Variants in IMPG2 observed in about 807,000 individuals in gnomAD.
IMPG2 encodes IPM 200.
A neutral mutation model predicts 129.2 loss-of-function variants in IMPG2; 91 were observed. The ratio of observed to expected loss-of-function variants is 0.70; its 90% CI spans 0.59 to 0.84. IMPG2 has a LOEUF of 0.84. IMPG2 is among the 40% of genes least tolerant of loss of function. The probability of loss-of-function intolerance (pLI) is 0.00; values close to 1 mark genes in which losing one functional copy is unlikely to be tolerated. For synonymous variants in IMPG2, 510 were observed against 517.7 expected, an observed-to-expected ratio of 0.99 and a Z score of 0.20; for missense variants, 1,430 against 1,461.7, an observed-to-expected ratio of 0.98 and a Z score of 0.35.
chr3:101,248,039 T>G (rs570395172), intron 11 of IMPG2, among the ~76,000 whole-genome samples: 1 of 152,240 alleles, frequency 6.6e-6, no homozygotes, highest in South Asian at 2.1e-4. Context: ...CACACAATTT[T>G]AGGGTGGCTA....
intron 14 of IMPG2, among the ~76,000 whole-genome samples, chr3:101,242,449 G>A (rs528908723): frequency 3.3e-5 from 5 of 152,348 alleles, no homozygotes; most frequent in African/African-American, 1.2e-4. Context: ...GTAGTGGGTA[G>A]AGAAAGGAAT....
chr3:101,225,580 T>C lies in IMPG2; in HGVS notation c.*1389A>G, dbSNP rs1344949915. 1 of 152,086 alleles carries C rather than the reference T, an allele frequency of 6.6e-6. No homozygotes were observed. The highest frequency in any genetic ancestry group is 1.5e-5 in the Non-Finnish European group (1 of 67,990). The allele number at this position is 152,086 out of a possible 1,614,324, so 9.4% of individuals were successfully genotyped here. A position where few individuals can be genotyped will look rare whatever the true frequency, so the allele number is the denominator to read the frequency against. On this transcript the variant is annotated 3_prime_UTR_variant, in exon 19 of 19. Transcript: ENST00000193391. ...ATGAGCAGAATTGGCAGTCATCAAG[T>C]TGAGAAAAAAAAAAGTGAACCAAGT... is the stretch of plus-strand genomic sequence containing the variant.
intron 9 of IMPG2, among the ~76,000 whole-genome samples, chr3:101,258,919 A>G (rs1305859179): frequency 1.3e-5 from 2 of 152,202 alleles, no homozygotes; most frequent in African/African-American, 2.4e-5. Context: ...ATCTCATTTA[A>G]TTTTCATAAT....
At chr3:101,275,806 T>A (rs368891517) in intron 5 of IMPG2, 61 bp from the exon 6 acceptor site, 62 of 1,259,224 alleles carry the variant, frequency 4.9e-5, no homozygotes, top group Admixed American at 6.8e-5. Context: ...AGAATTCCTA[T>A]CAGGAAATAA....
chr3:101,238,155 A>C (rs1706367992), intron 14 of IMPG2, among the ~76,000 whole-genome samples: 1 of 152,046 alleles, frequency 6.6e-6, no homozygotes, highest in Non-Finnish European at 1.5e-5. Context: ...ATAAAGCATG[A>C]AGACAAGGTT....
At chr3:101,255,335 T>C (rs1706587117) in intron 10 of IMPG2, among the ~76,000 whole-genome samples, 1 of 152,138 alleles carries the variant, frequency 6.6e-6, no homozygotes, top group Non-Finnish European at 1.5e-5. Flanking sequence ...GTACTAGATA[T>C]TGTAAAGCTT....
Position 101,243,540 on chromosome 3 carries a change from A to G in IMPG2, c.2791T>C (p.Phe931Leu), listed in dbSNP as rs752017655. The change falls in exon 13 of 19, where the codon TTC becomes CTC. Residue 931 changes from phenylalanine to leucine, a missense_variant. Transcript: ENST00000193391. ...SLEYKALEQR[F>L]LELLVPYLQS... ...CTTTTTATGCTTACCAATTCTAAGAATCTTTGCTCCAGGGCTTTATACTCC... is the reference window on the plus strand; with the variant it reads ...CTTTTTATGCTTACCAATTCTAAGAGTCTTTGCTCCAGGGCTTTATACTCC... 3.1e-5 allele frequency: 50 copies of G among 1,613,626 alleles called. No homozygotes were observed. The highest frequency in any genetic ancestry group is 4.1e-5 in the Non-Finnish European group (48 of 1,179,866).
rs140942087 is a variant in IMPG2 at position 101,256,263 on chromosome 3, T to C, written c.1153+1266A>G. ...AAATAAGAGATTAAATCACACACAGTAAAATCTTTTTAAAAGTTTTTTTCT... is the reference window on the plus strand; with the variant it reads ...AAATAAGAGATTAAATCACACACAGCAAAATCTTTTTAAAAGTTTTTTTCT... On this transcript the variant is annotated intron_variant, in intron 10 of 18. Coordinates refer to ENST00000193391, the MANE Select transcript of IMPG2 (RefSeq NM_016247.4). 9.2e-5 allele frequency among the ~76,000 whole-genome samples: 14 copies of C among 151,832 alleles called. 1 individual carries two copies. The highest frequency in any genetic ancestry group is 3.4e-4 in the African/African-American group (14 of 41,424).
At chr3:101,287,071 G>A (rs1184643489) in intron 4 of IMPG2, among the ~76,000 whole-genome samples, 1 of 152,154 alleles carries the variant, frequency 6.6e-6, no homozygotes, top group East Asian at 1.9e-4. Flanking sequence ...CTCTTTGAAT[G>A]ATGAAATCCA....
In IMPG2 at chr3:101,316,741, T is replaced by C. The variant is rs540313411; in HGVS notation, c.334+2843A>G. Among the ~76,000 whole-genome samples the C allele has an allele frequency of 6.6e-5, 10 of 152,212 alleles. No homozygotes were observed. The South Asian group carries it at 1.5e-3, about 22-fold the overall frequency. The stretch of plus-strand genomic sequence containing the variant: ...CGTGACCCAGACGTTCCACTATTAT[T>C]ACTCAATAGAAATGAAAATATGTTC... On this transcript the variant is annotated intron_variant, in intron 2 of 18. Transcript: ENST00000193391.
At chr3:101,266,748 A>G (rs1706725035) in intron 9 of IMPG2, among the ~76,000 whole-genome samples, 1 of 152,154 alleles carries the variant, frequency 6.6e-6, no homozygotes, top group South Asian at 2.1e-4. Flanking sequence ...CCACTGGAAC[A>G]AGACATGCAG....
At chr3:101,227,956 T>C in intron 18 of IMPG2, 1 of 415,078 alleles carries the variant, frequency 2.4e-6, no homozygotes, top group East Asian at 7.3e-5. Flanking sequence ...CTTATAAGCA[T>C]GCATGAATTG....
At chr3:101,276,489 T>G (rs75338642) in intron 5 of IMPG2, among the ~76,000 whole-genome samples, 175 bp downstream of exon 5, 2 of 152,252 alleles carry the variant, frequency 1.3e-5, no homozygotes, top group African/African-American at 2.4e-5. Context: ...CACAACATAA[T>G]GCCATAAAAT....
At chr3:101,318,921 G>A (rs1313904517) in intron 2 of IMPG2, among the ~76,000 whole-genome samples, 1 of 152,076 alleles carries the variant, frequency 6.6e-6, no homozygotes, top group African/African-American at 2.4e-5. Flanking sequence ...TAAAATGTGA[G>A]ATTTTGAGAA....
intron 3 of IMPG2, among the ~76,000 whole-genome samples, chr3:101,301,464 G>C (rs1037823045): frequency 1.3e-5 from 2 of 152,154 alleles, no homozygotes; most frequent in African/African-American, 4.8e-5. Context: ...GTCCAAAATG[G>C]TGATTCCTAT....
chr3:101,288,523 A>G (rs1170232996), intron 4 of IMPG2, among the ~76,000 whole-genome samples: 1 of 152,226 alleles, frequency 6.6e-6, no homozygotes, highest in Admixed American at 6.5e-5. Flanking sequence ...TGCAGCGATG[A>G]AAAAGAATGA....
rs557082098 is a variant in IMPG2 at position 101,314,879 on chromosome 3, G to C, written c.334+4705C>G. 1.6e-3 allele frequency among the ~76,000 whole-genome samples: 240 copies of C among 152,146 alleles called. 2 individuals are homozygous for C. The highest frequency in any genetic ancestry group is 5.2e-3 in the African/African-American group (218 of 41,532). Reference sequence around the variant, plus strand: ...CATCCCTAATCCAAAAATCCAAAATGCTCCAAAATATGAAACTTTTTGAGT... The same window carrying C: ...CATCCCTAATCCAAAAATCCAAAATCCTCCAAAATATGAAACTTTTTGAGT... On this transcript the variant is annotated intron_variant, in intron 2 of 18. Transcript: ENST00000193391.
chr3:101,295,397 G>A (rs1187454857), intron 3 of IMPG2, among the ~76,000 whole-genome samples: 2 of 152,172 alleles, frequency 1.3e-5, no homozygotes, highest in Non-Finnish European at 2.9e-5. Context: ...TAGATGTGTG[G>A]TGTTATCTCT....
At chr3:101,261,926 T>C (rs1414945371) in intron 9 of IMPG2, among the ~76,000 whole-genome samples, 3 of 152,108 alleles carry the variant, frequency 2.0e-5, no homozygotes, top group Admixed American at 1.3e-4. Flanking sequence ...CACTGGATCA[T>C]CATCTTTCAT....
Sources: allele counts gnomAD v4.1 joint callset (sites outside exome capture counted in the v4.1 genomes callset), GRCh38; gene constraint gnomAD v4.1.1; transcripts MANE v1.5; gene names NCBI Gene and HGNC (gene_info 2026-07-23, HGNC 2026-07-21).